ROCK1: variants seen among roughly 807,000 people sequenced by gnomAD.
ROCK1 encodes rho-associated protein kinase 1.
ROCK1 carries 36 observed loss-of-function variants against 196.8 expected under a neutral mutation model. The ratio of observed to expected loss-of-function variants is 0.18; its 90% CI spans 0.14 to 0.24. ROCK1 has a LOEUF of 0.24. Ranked by LOEUF, ROCK1 falls within the 10% of genes least tolerant of loss-of-function variation. The pLI is 1.00. For missense variants in ROCK1, 920 were observed against 1,562.0 expected (o/e 0.59, Z 6.93); for synonymous variants, 443 against 515.9 (o/e 0.86, Z 1.91).
intron 27 of ROCK1, among the ~76,000 whole-genome samples, chr18:20,963,845 G>A (rs970036356): frequency 1.1e-4 from 17 of 152,116 alleles, no homozygotes; most frequent in Non-Finnish European, 4.4e-5. Context: ...CAGAACCAAA[G>A]AGAAGATAAA....
At chr18:21,105,208 C>G (rs1369537007) in intron 1 of ROCK1, among the ~76,000 whole-genome samples, 1 of 152,044 alleles carries the variant, frequency 6.6e-6, no homozygotes, top group African/African-American at 2.4e-5. Context: ...AAAATAACTC[C>G]CTAAAATATT....
At chr18:20,952,788 A>G (rs1176206825) in intron 32 of ROCK1, among the ~76,000 whole-genome samples, 1 of 151,990 alleles carries the variant, frequency 6.6e-6, no homozygotes, top group Non-Finnish European at 1.5e-5. Context: ...AAAAAACAAA[A>G]AAAAAAAGGG....
chr18:20,952,712 T>C (rs1215253860), intron 32 of ROCK1, among the ~76,000 whole-genome samples: 4 of 150,464 alleles, frequency 2.7e-5, no homozygotes, highest in South Asian at 2.1e-4. Context: ...GAGGTGGAGG[T>C]TGCAGTGAGC....
At chr18:21,022,832 T>G (rs1391999927) in intron 11 of ROCK1, among the ~76,000 whole-genome samples, 2 of 152,092 alleles carry the variant, frequency 1.3e-5, no homozygotes, top group Non-Finnish European at 2.9e-5. Flanking sequence ...ATTTAATAAA[T>G]GCAAAAATAT....
chr18:21,086,376 T>C (rs990283299), intron 1 of ROCK1, among the ~76,000 whole-genome samples: 3 of 152,182 alleles, frequency 2.0e-5, no homozygotes, highest in Admixed American at 2.0e-4. Flanking sequence ...CATCCCAAAG[T>C]GCTGAGATTA....
At chr18:21,081,910 C>T (rs2036485789) in intron 1 of ROCK1, among the ~76,000 whole-genome samples, 1 of 152,086 alleles carries the variant, frequency 6.6e-6, no homozygotes, top group African/African-American at 2.4e-5. Context: ...CCAGATGGCT[C>T]CACTGGTGAA....
chr18:21,018,679 C>A (rs564287988), intron 12 of ROCK1, among the ~76,000 whole-genome samples: 2 of 152,154 alleles, frequency 1.3e-5, no homozygotes, highest in African/African-American at 4.8e-5. Context: ...TATTCAAATG[C>A]CTTTTTAAAA....
chr18:21,043,247 T>C (rs1188247680), intron 6 of ROCK1, among the ~76,000 whole-genome samples: 1 of 152,092 alleles, frequency 6.6e-6, no homozygotes, highest in Non-Finnish European at 1.5e-5. Flanking sequence ...ACTGTACAAA[T>C]ACAAACTGGG....
At chr18:21,056,530 T>A (rs1043105025) in intron 2 of ROCK1, among the ~76,000 whole-genome samples, 9 of 152,154 alleles carry the variant, frequency 5.9e-5, no homozygotes, top group African/African-American at 2.2e-4. Context: ...ATTGCTACCA[T>A]GCTAGACCAA....
chr18:20,985,586 T>C (rs1464287699), intron 19 of ROCK1, among the ~76,000 whole-genome samples: 2 of 152,218 alleles, frequency 1.3e-5, no homozygotes, highest in African/African-American at 2.4e-5. Context: ...ATATCTGTTT[T>C]TCCCTCCTGG....
intron 2 of ROCK1, among the ~76,000 whole-genome samples, chr18:21,059,453 A>G (rs139597429): frequency 1.3e-5 from 2 of 152,306 alleles, no homozygotes; most frequent in Non-Finnish European, 2.9e-5. Context: ...TGTCCCCACA[A>G]TCCTTAAGGA....
intron 27 of ROCK1, among the ~76,000 whole-genome samples, chr18:20,962,565 T>C (rs1462472463): frequency 1.3e-5 from 2 of 152,180 alleles, no homozygotes; most frequent in African/African-American, 2.4e-5. Context: ...TTTTAATATA[T>C]CTTCAATAAG....
chr18:21,071,145 A>G (rs2036380831), intron 1 of ROCK1, among the ~76,000 whole-genome samples: 1 of 150,588 alleles, frequency 6.6e-6, no homozygotes, highest in South Asian at 2.1e-4. Flanking sequence ...GAAAGCTAGC[A>G]GTAAAGGACA....
chr18:21,090,237 G>C (rs1001499303), intron 1 of ROCK1, among the ~76,000 whole-genome samples: 5 of 152,300 alleles, frequency 3.3e-5, no homozygotes, highest in African/African-American at 1.2e-4. Context: ...GCCAAGGCGG[G>C]AGGATCCCTC....
At chr18:20,977,169 G>C (rs948387431) in intron 22 of ROCK1, among the ~76,000 whole-genome samples, 10 of 152,080 alleles carry the variant, frequency 6.6e-5, no homozygotes, top group African/African-American at 2.2e-4. Flanking sequence ...ACTAGCTTAG[G>C]ATTTTCATTT....
chr18:21,093,130 T>C (rs9946327), intron 1 of ROCK1, among the ~76,000 whole-genome samples: 1,542 of 152,322 alleles, frequency 0.01, 20 homozygotes, highest in African/African-American at 0.036. Flanking sequence ...TATATCTAAA[T>C]TGGTCAGATC....
At chr18:20,998,368 T>C (rs1208083527) in intron 16 of ROCK1, among the ~76,000 whole-genome samples, 1 of 152,084 alleles carries the variant, frequency 6.6e-6, no homozygotes, top group East Asian at 1.9e-4. Context: ...ATAAACAACT[T>C]AATGATACAT....
chr18:20,987,385 C>G, intron 18 of ROCK1, among the ~76,000 whole-genome samples: 1 of 152,088 alleles, frequency 6.6e-6, no homozygotes, highest in South Asian at 2.1e-4. Context: ...CACTTTCAGA[C>G]AAGAAGGTGA....
chr18:21,059,401 C>A (rs2036270280), intron 2 of ROCK1, among the ~76,000 whole-genome samples: 1 of 152,166 alleles, frequency 6.6e-6, no homozygotes, highest in Non-Finnish European at 1.5e-5. Flanking sequence ...ACAATCTGAA[C>A]TGGAATTGTT....
Sources: gnomAD v4.1 joint callset for allele counts (sites outside exome capture counted in the v4.1 genomes callset) on GRCh38, gnomAD v4.1.1 for gene constraint, MANE v1.5 for transcripts, NCBI Gene and HGNC (gene_info 2026-07-23, HGNC 2026-07-21) for gene names.